Variants in RADIL observed in about 807,000 individuals in gnomAD.
The protein encoded by RADIL is ras-associating and dilute domain-containing protein.
RADIL carries 99 observed loss-of-function variants against 97.6 expected under a neutral mutation model. The observed-to-expected ratio is 1.01, with a 90% CI of 0.86 to 1.20. RADIL has a LOEUF of 1.20. Among genes scored for constraint, RADIL ranks in the 50% most tolerant of loss-of-function variants. RADIL has a pLI of 0.00. For missense variants in RADIL, 1,765 were observed against 1,498.9 expected (o/e 1.18, Z -2.93); for synonymous variants, 803 against 691.8 (o/e 1.16, Z -2.52).
At position 4,814,642 on chromosome 7, in the gene RADIL, C is replaced by T. The variant is rs556174363; in HGVS notation, c.2139+636G>A. Among the ~76,000 whole-genome samples the T allele has an allele frequency of 5.3e-5, 8 of 152,228 alleles. No individual in the cohort carries two copies. The highest frequency in any genetic ancestry group is 1.2e-4 in the African/African-American group (5 of 41,464). ...ATTGCCGTTGTGACAAATGCCCACA[C>T]GCCTGGCGGTCACGGCCACACAGTG... On this transcript the variant is annotated intron_variant, in intron 9 of 14. Transcript: ENST00000399583. This position sits in a 1 kb window ranked among gnomAD's most constrained non-coding sequence, Gnocchi z 4.5.
chr7:4,800,232 A>T lies in RADIL; in HGVS notation c.2921T>A (p.Val974Asp), dbSNP rs1212223934. 6.2e-7 allele frequency: 1 copy of T among 1,601,576 alleles called. No individual in the cohort carries two copies. Among genetic ancestry groups the T allele is most frequent in the Admixed American group, 1.7e-5 (1 of 57,882 alleles). Residue 974 changes from valine (V) to aspartate (D), a missense_variant, in exon 13 of 15, where the codon GTC (valine) becomes GAC (aspartate). By Grantham distance (152) the Val-to-Asp change is radical. Transcript: ENST00000399583. ...RSSSTEDFCY[V>D]FTVELERGPS... ...GCCTCGTTCCAGCTCCACCGTGAAGACGTAGCAGAAGTCCTCGGTGCTGGA... is the reference window on the plus strand; with the variant it reads ...GCCTCGTTCCAGCTCCACCGTGAAGTCGTAGCAGAAGTCCTCGGTGCTGGA...
intron 2 of RADIL, among the ~76,000 whole-genome samples, chr7:4,853,005 C>T (rs1238167227): frequency 6.6e-6 from 1 of 152,140 alleles, no homozygotes; most frequent in Non-Finnish European, 1.5e-5. Context: ...TACCCAGACG[C>T]CCCATTCACA....
Position 4,801,682 on chromosome 7 carries a change from A to G in RADIL, c.2813T>C (p.Leu938Pro), listed in dbSNP as rs6966329. 0.22 allele frequency: 345,746 copies of G among 1,605,194 alleles called. 46,040 individuals carry two copies. Among genetic ancestry groups the G allele is most frequent in the African/African-American group, 0.62 (46,628 of 74,686 alleles). Residue 938 changes from leucine (L) to proline (P), a missense_variant, in exon 12 of 15, where the codon CTC becomes CCC. By Grantham distance (98) the Leu-to-Pro change is moderately conservative (BLOSUM62 -3). Coordinates refer to ENST00000399583, the MANE Select transcript of RADIL (RefSeq NM_018059.5). ...CGGAGCTGCACCCCGGAGGCCGCTG[A>G]GTCCGTTCCTCTGCCTCTCTGGGAG... The part of the protein sequence containing the change: ...KALPERQRNG[L>P]SGLRGAAPEG...
At chr7:4,805,478 C>T (rs1782276198) in intron 10 of RADIL, 88 bp downstream of exon 10, 1 of 1,429,842 alleles carries the variant, frequency 7.0e-7, no homozygotes. Context: ...CACCCCACTT[C>T]AGTTGGGATG....
intron 2 of RADIL, among the ~76,000 whole-genome samples, chr7:4,874,421 G>A (rs1313739204): frequency 3.3e-5 from 5 of 152,210 alleles, no homozygotes; most frequent in South Asian, 2.1e-4. Context: ...CTCAATAACC[G>A]TTCTGTAATG....
chr7:4,861,140 G>C, intron 2 of RADIL: 1 of 1,614,228 alleles, frequency 6.2e-7, no homozygotes, highest in Non-Finnish European at 8.5e-7. Context: ...GGCTCTCAGA[G>C]TCAGCCTGAA....
In RADIL at chr7:4,865,421, A is replaced by G. The variant is rs1784109562; in HGVS notation, c.535+12184T>C. On this transcript the variant is annotated intron_variant, in intron 2 of 14. Transcript: ENST00000399583. Reference sequence around the variant, plus strand: ...AGAACTCATACAAAATATTTCAGATAAATGGAATTTAATCCTTGTCTTCCT... The same window carrying G: ...AGAACTCATACAAAATATTTCAGATGAATGGAATTTAATCCTTGTCTTCCT... The G allele has an allele frequency of 5.8e-5, 39 of 671,612 alleles. No homozygotes were observed. The East Asian group carries it at 9.7e-4, about 17-fold the overall frequency. The allele number at this position is 671,612 out of a possible 1,614,324, so 41.6% of individuals were successfully genotyped here. A position where few individuals can be genotyped will look rare whatever the true frequency, so the allele number is the denominator to read the frequency against.
At chr7:4,830,700 A>C (rs1430377233) in intron 5 of RADIL, among the ~76,000 whole-genome samples, 1 of 151,980 alleles carries the variant, frequency 6.6e-6, no homozygotes, top group Non-Finnish European at 1.5e-5. Context: ...CAACATGGAG[A>C]ATCCCCATCT....
chr7:4,845,139 G>T (rs1241143569), intron 2 of RADIL, among the ~76,000 whole-genome samples: 1 of 152,180 alleles, frequency 6.6e-6, no homozygotes, highest in Non-Finnish European at 1.5e-5. Flanking sequence ...GCTAATGTAG[G>T]CTGGGCATGG....
chr7:4,830,371 T>A lies in RADIL; in HGVS notation c.1454+1770A>T, dbSNP rs540512696. On this transcript the variant is annotated intron_variant, in intron 5 of 14. Transcript: ENST00000399583. The stretch of plus-strand genomic sequence containing the variant: ...AGGCCGCAGGGGCTGCACGTCTGTA[T>A]CAGATCAACCGAATGGTTTCCCAAG... Among the ~76,000 whole-genome samples the A allele has an allele frequency of 2.8e-3, 419 of 152,186 alleles. 2 individuals are homozygous for A. The highest frequency in any genetic ancestry group is 9.8e-3 in the African/African-American group (406 of 41,504).
In RADIL at chr7:4,835,548, G is replaced by A. The variant is rs901705539; in HGVS notation, c.784-309C>T. On this transcript the variant is annotated intron_variant, in intron 3 of 14. Transcript: ENST00000399583. This position sits in a 1 kb window ranked among gnomAD's most constrained non-coding sequence, Gnocchi z 5.8. The stretch of plus-strand genomic sequence containing the variant: ...GAAACAGGCACTGGTTCTACAGACC[G>A]GGCCAAGGACTACATAACTTCCCCC... Among the ~76,000 whole-genome samples the A allele has an allele frequency of 2.6e-5, 4 of 152,156 alleles. No homozygotes were observed. The highest frequency in any genetic ancestry group is 5.9e-5 in the Non-Finnish European group (4 of 68,032).
intron 12 of RADIL, 152 bp from the exon 13 acceptor site, chr7:4,800,462 G>A (rs895203995): frequency 4.8e-5 from 42 of 880,484 alleles, no homozygotes; most frequent in African/African-American, 7.2e-5. Flanking sequence ...GAATGTGACC[G>A]GCAACCCAGA....
At position 4,824,944 on chromosome 7, in the gene RADIL, C is replaced by T. The variant is rs1402751857; in HGVS notation, c.1455-2390G>A. Among the ~76,000 whole-genome samples, 1 of 152,200 alleles carries T rather than the reference C, an allele frequency of 6.6e-6. No individual in the cohort carries two copies. The highest frequency in any genetic ancestry group is 1.9e-4 in the East Asian group (1 of 5,198). ...TGACCAGGCTTTGCAACTGGAGTTT[C>T]GGGATCAGACTCGGGCCAGGTTGGC... On this transcript the variant is annotated intron_variant, in intron 5 of 14. Transcript: ENST00000399583. This position sits in a 1 kb window ranked among gnomAD's most constrained non-coding sequence, Gnocchi z 6.7.
intron 9 of RADIL, among the ~76,000 whole-genome samples, chr7:4,810,746 C>T (rs942824083): frequency 2.0e-5 from 3 of 152,212 alleles, no homozygotes; most frequent in Admixed American, 6.5e-5. Context: ...TCATTTACAA[C>T]GTCACCAGGA....
At position 4,835,138 on chromosome 7, in the gene RADIL, A is replaced by G. The variant is rs1180876329; in HGVS notation, c.885T>C (p.Pro295=). The G allele has an allele frequency of 1.2e-6, 2 of 1,610,440 alleles. No homozygotes were observed. The highest frequency in any genetic ancestry group is 2.2e-5 in the East Asian group (1 of 44,744). The change falls in exon 4 of 15, where the codon CCT becomes CCC. Residue 295 remains proline (P), a synonymous_variant. Coordinates refer to ENST00000399583, the MANE Select transcript of RADIL (RefSeq NM_018059.5). The surrounding 1 kb of genome is among the most constrained non-coding windows in gnomAD (Gnocchi z 5.8). ...GTTGCCGGCGGATGGTGCAGTGTAGAGGCAGGATGTCGGGGGCTGAGAGGC... is the reference window on the plus strand; with the variant it reads ...GTTGCCGGCGGATGGTGCAGTGTAGGGGCAGGATGTCGGGGGCTGAGAGGC... ...SISLSAPDIL[P]LHCTIRRQPL...
At position 4,861,613 on chromosome 7, in the gene RADIL, C is replaced by T. The variant is rs112629123; in HGVS notation, c.535+15992G>A. 2.2e-4 allele frequency: 350 copies of T among 1,611,960 alleles called. 2 individuals carry two copies. In the African/African-American group the frequency reaches 4.1e-3, roughly 19 times the overall value. On this transcript the variant is annotated intron_variant, in intron 2 of 14. Coordinates refer to ENST00000399583, the MANE Select transcript of RADIL (RefSeq NM_018059.5). ...CCTTTACCAGATTATTTAATTTTTCCAAAACTAAAATCCTGCGCTGCAGTT... is the reference window on the plus strand; with the variant it reads ...CCTTTACCAGATTATTTAATTTTTCTAAAACTAAAATCCTGCGCTGCAGTT...
Position 4,835,915 on chromosome 7 carries a change from TA to T in RADIL, c.783+442del, listed in dbSNP as rs1783285771. ...GTGGTGAGAAACGGCTCTGGGCAGA[TA>T]GGGGTGGCATGGGCCTTTGCTCGGT... On this transcript the variant is annotated intron_variant, in intron 3 of 14. Transcript: ENST00000399583. This position sits in a 1 kb window ranked among gnomAD's most constrained non-coding sequence, Gnocchi z 5.8. Among the ~76,000 whole-genome samples the T allele has an allele frequency of 6.6e-6, 1 of 152,162 alleles. No homozygotes were observed. The highest frequency in any genetic ancestry group is 1.5e-5 in the Non-Finnish European group (1 of 68,010).
At chr7:4,829,019 C>T (rs1254074571) in intron 5 of RADIL, among the ~76,000 whole-genome samples, 1 of 152,248 alleles carries the variant, frequency 6.6e-6, no homozygotes, top group Non-Finnish European at 1.5e-5. Flanking sequence ...CCTCCACACC[C>T]TGCCTCAACA....
chr7:4,799,492 C>T lies in RADIL; in HGVS notation c.3123-9G>A, dbSNP rs1290243974. The T allele has an allele frequency of 1.2e-6, 2 of 1,613,892 alleles. No homozygotes were observed. The highest frequency in any genetic ancestry group is 1.3e-5 in the African/African-American group (1 of 75,056). ...GGATCAGGTCCACAGCTCTGAAATCCATGCCAGAGGTGGGGGTGGGCAGGA... is the reference window on the plus strand; with the variant it reads ...GGATCAGGTCCACAGCTCTGAAATCTATGCCAGAGGTGGGGGTGGGCAGGA... On this transcript the variant is annotated splice_polypyrimidine_tract_variant and intron_variant, in intron 14 of 14. Transcript: ENST00000399583.
Sources: gnomAD v4.1 joint callset for allele counts (sites outside exome capture counted in the v4.1 genomes callset) on GRCh38, gnomAD v4.1.1 for gene constraint, Gnocchi (gnomAD v3.1) non-coding constraint, MANE v1.5 for transcripts, NCBI Gene and HGNC (gene_info 2026-07-23, HGNC 2026-07-21) for gene names.